Variants in NBPF14 observed in about 807,000 individuals in gnomAD.
The protein encoded by NBPF14 is NBPF family member NBPF14.
A neutral mutation model predicts 91.2 loss-of-function variants in NBPF14; 104 were observed. The observed-to-expected ratio is 1.14, with a 90% confidence interval of 0.97 to 1.34. The LOEUF (loss-of-function observed/expected upper bound fraction) is 1.34, where lower values mean the gene tolerates loss of function less well. Ranked by LOEUF, NBPF14 falls within the 40% of genes most tolerant of loss-of-function variation. The pLI, the probability that NBPF14 is intolerant of heterozygous loss-of-function variation, is 0.00. For missense variants in NBPF14, 908 were observed against 783.0 expected, an observed-to-expected ratio of 1.16 and a Z score of -1.91; for synonymous variants, 294 against 303.8, an observed-to-expected ratio of 0.97 and a Z score of 0.34.
At chr1:148,533,317 T>C (rs1431896497) in intron 70 of NBPF14, 69 bp from the exon 71 acceptor site, 5 of 491,486 alleles carry the variant, frequency 1.0e-5, no homozygotes, top group South Asian at 2.3e-5. Flanking sequence ...CAGCTAGATT[T>C]CAGAAGCAAC....
chr1:148,579,210 T>C, exon 13 of NBPF14: 1 of 394,652 alleles, frequency 2.5e-6, no homozygotes, highest in Middle Eastern at 6.2e-4. Context: ...CCTGGGGGAC[T>C]TCCTCCTCTT....
intron 69 of NBPF14, 64 bp downstream of exon 69, chr1:148,534,620 A>G: frequency 1.1e-6 from 1 of 906,584 alleles, no homozygotes; most frequent in East Asian, 2.4e-5. Context: ...CACTTGGAAT[A>G]GGAATATCAC....
chr1:148,559,821 C>G (rs1184906136), exon 37 of NBPF14: 13 of 1,535,582 alleles, frequency 8.5e-6, no homozygotes, highest in Non-Finnish European at 1.1e-5. Flanking sequence ...AGCCAACACG[C>G]TGCTGCTCCA....
intron 12 of NBPF14, among the ~76,000 whole-genome samples, chr1:148,580,800 C>T (rs1180274277): frequency 6.7e-5 from 5 of 74,984 alleles, no homozygotes; most frequent in East Asian, 3.2e-4. Flanking sequence ...ATTCAACATT[C>T]TTTTTTTTTT....
At chr1:148,588,887 TC>T (rs1662015116) in intron 7 of NBPF14, among the ~76,000 whole-genome samples, 1 of 131,322 alleles carries the variant, frequency 7.6e-6, no homozygotes, top group Non-Finnish European at 1.6e-5. Context: ...CAGAGAGGAT[TC>T]TTGAAAACAC....
At chr1:148,579,849 T>C (rs1660633700) in intron 12 of NBPF14, among the ~76,000 whole-genome samples, 1 of 152,034 alleles carries the variant, frequency 6.6e-6, no homozygotes, top group African/African-American at 2.4e-5. Flanking sequence ...GACCTGAAGC[T>C]GAGGGACCTG....
In NBPF14 at chr1:148,592,695, C is replaced by T. The variant is rs1315864507; in HGVS notation, c.350G>A (p.Arg117Lys). Reference sequence around the variant, plus strand: ...CTCATACAATGAGCGGGAGGCATCTCTCCCTTCCCGTAACTTCTCCCTTAG... The same window carrying T: ...CTCATACAATGAGCGGGAGGCATCTTTCCCTTCCCGTAACTTCTCCCTTAG... The change falls in exon 4 of 71, where the codon AGA becomes AAA. Residue 117 changes from arginine to lysine, a missense_variant. Coordinates refer to ENST00000619423, the Ensembl canonical transcript of NBPF14. 34 of 1,588,356 alleles carry T rather than the reference C, an allele frequency of 2.1e-5. 2 individuals carry two copies. Among genetic ancestry groups the T allele is most frequent in the Non-Finnish European group, 2.7e-5 (31 of 1,161,738 alleles).
rs1268802176 is a variant in NBPF14 at position 148,534,661 on chromosome 1, C to A, written c.8614+23G>T. ...TCTGGAAGACCAGGTGGAGGCTTATCACCTTCATAGTAAGGTACTCACTGT... is the reference window on the plus strand; with the variant it reads ...TCTGGAAGACCAGGTGGAGGCTTATAACCTTCATAGTAAGGTACTCACTGT... On this transcript the variant is annotated intron_variant, in intron 69 of 70. Coordinates refer to ENST00000619423, the Ensembl canonical transcript of NBPF14. 2.0e-5 allele frequency: 17 copies of A among 833,986 alleles called. No homozygotes were observed. The South Asian group carries it at 2.1e-4, about 10-fold the overall frequency. The allele number at this position is 833,986 out of a possible 1,614,324, so 51.7% of individuals were successfully genotyped here. A position where few individuals can be genotyped will look rare whatever the true frequency, so the allele number is the denominator to read the frequency against.
chr1:148,595,604 G>C lies in NBPF14; in HGVS notation c.114C>G (p.Leu38=). The change falls in exon 2 of 71, where the codon CTC becomes CTG. Residue 38 remains leucine (L), a synonymous_variant. Transcript: ENST00000619423. ...GTTGAGTTAGAAAACATTTCTCTTT[G>C]AGGTTTCTGAACTGCTGTTTCTTCT... 5 of 1,574,982 alleles carry C rather than the reference G, an allele frequency of 3.2e-6. 1 individual carries two copies. Among genetic ancestry groups the C allele is most frequent in the Non-Finnish European group, 2.6e-6 (3 of 1,154,558 alleles).
Position 148,587,284 on chromosome 1 carries a change from C to A in NBPF14, c.1091+17G>T. The A allele has an allele frequency of 6.4e-7, 1 of 1,570,844 alleles. No individual in the cohort carries two copies. The highest frequency in any genetic ancestry group is 8.7e-7 in the Non-Finnish European group (1 of 1,148,886). On this transcript the variant is annotated intron_variant, in intron 8 of 70. Coordinates refer to ENST00000619423, the Ensembl canonical transcript of NBPF14. Reference sequence around the variant, plus strand: ...TACACACCTGCCCCCCTGCCTGCCCCCATGGGGTCCCCTCACCTGAGCTCC... The same window carrying A: ...TACACACCTGCCCCCCTGCCTGCCCACATGGGGTCCCCTCACCTGAGCTCC...
chr1:148,535,236 C>A (rs1333637668), intron 68 of NBPF14, among the ~76,000 whole-genome samples: 1 of 150,456 alleles, frequency 6.6e-6, no homozygotes, highest in Non-Finnish European at 1.5e-5. Context: ...GCCATACAGC[C>A]TTTGAGGTAT....
exon 71 of NBPF14, chr1:148,532,606 T>A (rs1386382731): frequency 7.4e-6 from 1 of 134,508 alleles, no homozygotes; most frequent in Non-Finnish European, 1.5e-5. Context: ...AAGAATGAGG[T>A]TAGGTTCATT....
At chr1:148,559,375 T>A (rs1298237914) in intron 37 of NBPF14, among the ~76,000 whole-genome samples, 3 of 132,404 alleles carry the variant, frequency 2.3e-5, no homozygotes, top group Non-Finnish European at 4.5e-5. Context: ...TGCCCCCAAA[T>A]GGTTGCTAGG....
chr1:148,532,966 GC>G (rs781859574), exon 71 of NBPF14: 25 of 559,050 alleles, frequency 4.5e-5, no homozygotes, highest in Non-Finnish European at 6.7e-5. Flanking sequence ...TATAGGTCCT[GC>G]CTGCAGGAAT....
intron 37 of NBPF14, among the ~76,000 whole-genome samples, chr1:148,559,282 C>T (rs1438003378): frequency 8.8e-6 from 1 of 114,218 alleles, no homozygotes; most frequent in African/African-American, 5.0e-5. Context: ...ATTCCCTATT[C>T]TGGTAGATCG....
At chr1:148,561,772 G>C (rs1281420162) in intron 34 of NBPF14, among the ~76,000 whole-genome samples, 193 bp from the exon 35 acceptor site, 1 of 87,642 alleles carries the variant, frequency 1.1e-5, no homozygotes, top group Non-Finnish European at 1.9e-5. Context: ...GAGAAAGACA[G>C]ATAGACACAC....
chr1:148,593,833 C>A lies in NBPF14; in HGVS notation c.176-133G>T, dbSNP rs1276612079. 86 of 832,964 alleles carry A rather than the reference C, an allele frequency of 1.0e-4. 9 individuals are homozygous for A. Among genetic ancestry groups the A allele is most frequent in the Admixed American group, 2.3e-4 (11 of 47,826 alleles). The allele number at this position is 832,964 out of a possible 1,614,324, so 51.6% of individuals were successfully genotyped here. ...GTACCACGGTCTAGACAGGGATTTC[C>A]ACATCTTTACTCTTCAGTCTCCTGA... is the stretch of plus-strand genomic sequence containing the variant. On this transcript the variant is annotated intron_variant, in intron 2 of 70. Transcript: ENST00000619423.
At chr1:148,577,112 C>G (rs1570991386) in intron 15 of NBPF14, 71 bp downstream of exon 15, 1 of 614,598 alleles carries the variant, frequency 1.6e-6, no homozygotes, top group Non-Finnish European at 2.9e-6. Flanking sequence ...GTAAGGGCCA[C>G]TTGCAGTAGG....
At chr1:148,566,530 C>G (rs1385739274) in intron 28 of NBPF14, among the ~76,000 whole-genome samples, 7 of 129,004 alleles carry the variant, frequency 5.4e-5, no homozygotes, top group African/African-American at 1.3e-4. Context: ...CACACACACA[C>G]ACACACACAC....
Sources: gnomAD v4.1 joint callset for allele counts (sites outside exome capture counted in the v4.1 genomes callset) on GRCh38, gnomAD v4.1.1 for gene constraint, MANE v1.5 for transcripts, NCBI Gene and HGNC (gene_info 2026-07-23, HGNC 2026-07-21) for gene names.